PDE3B: variants seen among roughly 807,000 people sequenced by gnomAD.
PDE3B encodes phosphodiesterase 3B, also known as cGMP-inhibited 3',5'-cyclic phosphodiesterase 3B.
A neutral mutation model predicts 116.8 loss-of-function variants in PDE3B; 66 were observed. That is an observed-to-expected ratio of 0.56 (90% CI 0.46 to 0.69). The LOEUF (loss-of-function observed/expected upper bound fraction) is 0.69, where lower values mean the gene tolerates loss of function less well. Among genes scored for constraint, PDE3B ranks in the 30% least tolerant of loss-of-function variants. PDE3B has a pLI of 0.00. For synonymous variants in PDE3B, 595 were observed against 533.6 expected (o/e 1.12, Z -1.59); for missense variants, 1,384 against 1,368.1 (o/e 1.01, Z -0.18).
intron 1 of PDE3B, among the ~76,000 whole-genome samples, chr11:14,708,400 C>T (rs1855596852): frequency 6.6e-6 from 1 of 151,958 alleles, no homozygotes; most frequent in African/African-American, 2.4e-5. Context: ...TCAGGTATTC[C>T]TTTATAGCAA....
chr11:14,850,706 T>G (rs1180138392), intron 12 of PDE3B, among the ~76,000 whole-genome samples: 1 of 152,192 alleles, frequency 6.6e-6, no homozygotes, highest in Non-Finnish European at 1.5e-5. Flanking sequence ...GTATAGCTGG[T>G]AAAATATAAA....
intron 4 of PDE3B, among the ~76,000 whole-genome samples, chr11:14,798,898 A>AT (rs1160865147): frequency 5.3e-5 from 8 of 151,986 alleles, no homozygotes; most frequent in South Asian, 4.2e-4. Context: ...GAATTCATTG[A>AT]TTTTTTGAAG....
At chr11:14,832,475 T>A (rs541449360) in intron 9 of PDE3B, among the ~76,000 whole-genome samples, 2 of 152,318 alleles carry the variant, frequency 1.3e-5, no homozygotes, top group Non-Finnish European at 2.9e-5. Flanking sequence ...AGGAGAAGAA[T>A]GGAAAAATTA....
chr11:14,859,420 T>C (rs1003114721), intron 13 of PDE3B, among the ~76,000 whole-genome samples, 174 bp downstream of exon 13: 4 of 152,236 alleles, frequency 2.6e-5, no homozygotes, highest in Non-Finnish European at 4.4e-5. Context: ...TTTATTGTTA[T>C]GGTAACATTT....
At chr11:14,789,365 A>G (rs551258341) in intron 4 of PDE3B, 123 bp downstream of exon 4, 28 of 655,414 alleles carry the variant, frequency 4.3e-5, no homozygotes, top group Non-Finnish European at 7.2e-5. Flanking sequence ...GTATAGGACA[A>G]CATGTGTAGT....
intron 11 of PDE3B, among the ~76,000 whole-genome samples, chr11:14,837,726 A>G (rs181337872): frequency 2.0e-5 from 3 of 152,302 alleles, no homozygotes; most frequent in East Asian, 3.9e-4. Flanking sequence ...GTTCTCATAC[A>G]TAGTGTTATG....
intron 2 of PDE3B, chr11:14,772,338 G>C (rs1857669604): frequency 6.5e-6 from 1 of 154,150 alleles, no homozygotes; most frequent in Non-Finnish European, 1.4e-5. Context: ...GGAAAAAATA[G>C]ATGGAAGGCC....
At chr11:14,658,535 T>C (rs1365374564) in intron 1 of PDE3B, among the ~76,000 whole-genome samples, 1 of 152,154 alleles carries the variant, frequency 6.6e-6, no homozygotes, top group Non-Finnish European at 1.5e-5. Context: ...TTTGTATTTT[T>C]AGTAGAGACG....
In PDE3B at chr11:14,842,011, A is replaced by G. The variant is rs147688430; in HGVS notation, c.2321-1816A>G. 2.7e-3 allele frequency among the ~76,000 whole-genome samples: 411 copies of G among 152,074 alleles called. 1 individual carries two copies. The highest frequency in any genetic ancestry group is 9.0e-3 in the African/African-American group (372 of 41,484). On this transcript the variant is annotated intron_variant, in intron 11 of 15. Coordinates refer to ENST00000282096, the MANE Select transcript of PDE3B (RefSeq NM_000922.4). ...TTTTTTTGTTGCTAAGTATGTAGAA[A>G]TGCAATTGATTTTTGCATGTTTATC...
At chr11:14,664,354 G>A (rs1854049483) in intron 1 of PDE3B, among the ~76,000 whole-genome samples, 1 of 152,022 alleles carries the variant, frequency 6.6e-6, no homozygotes, top group Non-Finnish European at 1.5e-5. Context: ...ACAATTAAAA[G>A]AACTAGAAAA....
intron 1 of PDE3B, among the ~76,000 whole-genome samples, chr11:14,702,922 T>C (rs1855411676): frequency 1.3e-5 from 2 of 151,930 alleles, no homozygotes; most frequent in Non-Finnish European, 2.9e-5. Flanking sequence ...CTGTCACTTA[T>C]GGCCTGCGCC....
rs553825495 is a variant in PDE3B, at chr11:14,793,376, A to G, written c.1415+4134A>G. ...CATAGCCTGAACGTGATTTTATATA[A>G]TATTTTAAATAATTTTATGCGTGAA... On this transcript the variant is annotated intron_variant, in intron 4 of 15. Transcript: ENST00000282096. Among the ~76,000 whole-genome samples, 4 of 152,300 alleles carry G rather than the reference A, an allele frequency of 2.6e-5. No individual in the cohort carries two copies. In the South Asian group the frequency reaches 8.3e-4, roughly 32 times the overall value.
At chr11:14,667,075 A>C (rs1368385534) in intron 1 of PDE3B, among the ~76,000 whole-genome samples, 3 of 152,222 alleles carry the variant, frequency 2.0e-5, no homozygotes, top group Non-Finnish European at 2.9e-5. Flanking sequence ...AAAATATGGC[A>C]CATATACACC....
At chr11:14,891,705 G>A in the PDE3B span, 2 of 1,235,914 alleles carry the variant, frequency 1.6e-6, no homozygotes, top group Non-Finnish European at 1.0e-6. Context: ...AGGAGCAAGA[G>A]CTCGAGCGGT....
intron 1 of PDE3B, among the ~76,000 whole-genome samples, chr11:14,744,021 C>T (rs1360420859): frequency 1.3e-5 from 2 of 152,186 alleles, no homozygotes; most frequent in Non-Finnish European, 2.9e-5. Flanking sequence ...TCTTGCCAGC[C>T]ACTATCAAAG....
intron 4 of PDE3B, among the ~76,000 whole-genome samples, chr11:14,790,253 ATGGAT>A (rs910459616): frequency 4.0e-5 from 6 of 151,894 alleles, no homozygotes; most frequent in Admixed American, 2.6e-4. Flanking sequence ...TAAAACAGGA[ATGGAT>A]TGAAGTATGA....
chr11:14,794,343 G>A (rs981885222), intron 4 of PDE3B, among the ~76,000 whole-genome samples: 68 of 146,738 alleles, frequency 4.6e-4, no homozygotes, highest in African/African-American at 1.7e-3. Context: ...TTGAGACAGA[G>A]TCTCACTCTG....
At chr11:14,831,212 C>G (rs1176729320) in intron 8 of PDE3B, among the ~76,000 whole-genome samples, 1 of 151,452 alleles carries the variant, frequency 6.6e-6, no homozygotes, top group Admixed American at 6.6e-5. Flanking sequence ...TAGTTTTGTT[C>G]TTAAATTTCA....
intron 1 of PDE3B, among the ~76,000 whole-genome samples, chr11:14,647,319 T>C (rs1472753639): frequency 6.6e-6 from 1 of 152,048 alleles, no homozygotes; most frequent in Non-Finnish European, 1.5e-5. Context: ...GAGTCTTGGC[T>C]TAACTGTTTA....
Sources: allele counts gnomAD v4.1 joint callset (sites outside exome capture counted in the v4.1 genomes callset), GRCh38; gene constraint gnomAD v4.1.1; transcripts MANE v1.5; gene names NCBI Gene and HGNC (gene_info 2026-07-23, HGNC 2026-07-21).